The following UBR4 variants were observed in gnomAD, a reference collection of about 807,000 sequenced individuals.
UBR4 encodes the protein ubiquitin protein ligase E3 component n-recognin 4.
In UBR4, 124 loss-of-function variants were observed where a neutral mutation model predicts 575.6. That is an observed-to-expected ratio of 0.22 (90% CI 0.19 to 0.25). The LOEUF (loss-of-function observed/expected upper bound fraction) is 0.25, where lower values mean the gene tolerates loss of function less well. Among genes scored for constraint, UBR4 ranks in the 10% least tolerant of loss-of-function variants. The pLI is 1.00. For synonymous variants in UBR4, 2,455 were observed against 2,473.7 expected, an observed-to-expected ratio of 0.99 and a Z score of 0.22; for missense variants, 4,818 against 6,478.8, an observed-to-expected ratio of 0.74 and a Z score of 8.80.
Position 19,157,328 on chromosome 1 carries a change from A to C in UBR4, c.5761-403T>G, listed in dbSNP as rs1400281269. Among the ~76,000 whole-genome samples, 1 of 152,254 alleles carries C rather than the reference A, an allele frequency of 6.6e-6. No homozygotes were observed. The highest frequency in any genetic ancestry group is 1.5e-5 in the Non-Finnish European group (1 of 68,046). On this transcript the variant is annotated intron_variant, in intron 40 of 105. Transcript: ENST00000375254. This position sits in a 1 kb window ranked among gnomAD's most constrained non-coding sequence, Gnocchi z 4.4. The stretch of plus-strand genomic sequence containing the variant: ...TGATGGAGAGGCCAGAATACAGAAA[A>C]GTGTGAGTTAAGATACCTAGCACTC...
intron 39 of UBR4, among the ~76,000 whole-genome samples, chr1:19,158,281 A>T (rs890655357): frequency 6.6e-6 from 1 of 152,232 alleles, no homozygotes; most frequent in South Asian, 2.1e-4. Context: ...GTGACAGATG[A>T]CATTTGTTTT....
chr1:19,075,118 T>C (rs2075795607), intron 105 of UBR4: 3 of 583,744 alleles, frequency 5.1e-6, no homozygotes, highest in Non-Finnish European at 9.2e-6. Flanking sequence ...GAAGGTGTTT[T>C]TGTTCTCACA....
At chr1:19,193,324 G>A in intron 9 of UBR4, 109 bp downstream of exon 9, 1 of 1,451,802 alleles carries the variant, frequency 6.9e-7, no homozygotes, top group Non-Finnish European at 9.3e-7. Flanking sequence ...AGGGAAAGTA[G>A]TGTGGAGAAT....
intron 52 of UBR4, 22 bp from the exon 53 acceptor site, chr1:19,145,955 A>G (rs761025425): frequency 1.2e-6 from 2 of 1,612,776 alleles, no homozygotes; most frequent in Non-Finnish European, 1.7e-6. Context: ...AAAGAAAATT[A>G]TCAACGATGG....
At position 19,173,590 on chromosome 1, in the gene UBR4, A is replaced by T. The variant is rs2089876643; in HGVS notation, c.3014T>A (p.Ile1005Lys). 6.2e-7 allele frequency: 1 copy of T among 1,614,062 alleles called. No individual in the cohort carries two copies. The highest frequency in any genetic ancestry group is 8.5e-7 in the Non-Finnish European group (1 of 1,180,032). Residue 1005 changes from isoleucine to lysine, a missense_variant, in exon 23 of 106, where the codon ATA becomes AAA. Ile to Lys is a moderately radical substitution (Grantham distance 102, BLOSUM62 -3). This residue lies in a region of UBR4 where 1,172 missense variants were observed against 1,259.7 expected (regional missense o/e 0.93). Transcript: ENST00000375254. ...TAAAATTCCTAGGATCCTCCACAGT[A>T]TCAAGAAGTAATATTGAAGGGCACA... Reference protein sequence around the residue: ...EACALQYYFLILWRILGILPP... With the variant: ...EACALQYYFLKLWRILGILPP...
Position 19,104,814 on chromosome 1 carries a change from A to G in UBR4, c.12646-148T>C, listed in dbSNP as rs191653142. ...TTGCAGAACTCCTTTCCAGGAAGCC[A>G]ACAGTCACAGCGCTGGTAAGGGATT... On this transcript the variant is annotated intron_variant, in intron 85 of 105. Transcript: ENST00000375254. 90 of 1,110,422 alleles carry G rather than the reference A, an allele frequency of 8.1e-5. No homozygotes were observed. The East Asian group carries it at 2.2e-3, about 27-fold the overall frequency. The allele number at this position is 1,110,422 out of a possible 1,614,324, so 68.8% of individuals were successfully genotyped here.
chr1:19,154,514 C>T (rs2086179988), intron 44 of UBR4, among the ~76,000 whole-genome samples: 1 of 152,162 alleles, frequency 6.6e-6, no homozygotes, highest in Admixed American at 6.5e-5. Flanking sequence ...AACCATGCCC[C>T]CATTACTGAT....
chr1:19,146,264 A>T, intron 52 of UBR4: 1 of 461,500 alleles, frequency 2.2e-6, no homozygotes, highest in South Asian at 2.3e-5. Context: ...CTCTAGAACA[A>T]TTCTGGGATT....
chr1:19,125,471 T>G (rs1017275650), intron 64 of UBR4: 2 of 152,138 alleles, frequency 1.3e-5, no homozygotes, highest in Non-Finnish European at 2.9e-5. Flanking sequence ...AGGGAAGTTT[T>G]CCCAAGGATC....
At chr1:19,101,310 G>T (rs193282724) in intron 88 of UBR4, among the ~76,000 whole-genome samples, 5 of 152,274 alleles carry the variant, frequency 3.3e-5, no homozygotes, top group Non-Finnish European at 2.9e-5. Flanking sequence ...TAGGAAATAA[G>T]ACCAAGGAAG....
At chr1:19,187,340 C>T in intron 12 of UBR4, 39 bp from the exon 13 acceptor site, 1 of 1,609,158 alleles carries the variant, frequency 6.2e-7, no homozygotes, top group South Asian at 1.1e-5. Context: ...AATGATACTA[C>T]TCAGCCAGAA....
In UBR4 at chr1:19,077,984, T is replaced by C. The variant is rs1362080383; in HGVS notation, c.15316A>G (p.Met5106Val). Residue 5106 changes from methionine (M) to valine (V), a missense_variant, in exon 104 of 106, where the codon ATG becomes GTG. By Grantham distance (21) the Met-to-Val change is conservative. Around this residue, in one of 29 missense-constraint regions of UBR4, gnomAD observed 212 missense variants for 221.3 expected, o/e 0.96. Coordinates refer to ENST00000375254, the MANE Select transcript of UBR4 (RefSeq NM_020765.3). ...FWALVDLIYN[M>V]FKKVPTSNTE... Reference sequence around the variant, plus strand: ...TCTGACAGCCTCCTTACCTTAAACATGTTGTAAATGAGATCGACGAGGGCC... The same window carrying C: ...TCTGACAGCCTCCTTACCTTAAACACGTTGTAAATGAGATCGACGAGGGCC... 4 of 1,613,890 alleles carry C rather than the reference T, an allele frequency of 2.5e-6. No homozygotes were observed. Among genetic ancestry groups the C allele is most frequent in the South Asian group, 2.2e-5 (2 of 91,074 alleles).
At chr1:19,123,175 G>A in intron 65 of UBR4, 115 bp from the exon 66 acceptor site, 1 of 1,127,156 alleles carries the variant, frequency 8.9e-7, no homozygotes, top group Non-Finnish European at 1.3e-6. Context: ...GGACAGGCCG[G>A]GCACGGTGGC....
chr1:19,146,519 G>A (rs1451580964), intron 52 of UBR4, among the ~76,000 whole-genome samples: 3 of 152,120 alleles, frequency 2.0e-5, no homozygotes, highest in Admixed American at 6.5e-5. Context: ...AAGCAACCAG[G>A]GCCCAACCAA....
intron 11 of UBR4, among the ~76,000 whole-genome samples, chr1:19,188,070 A>AT (rs397979432): frequency 3.3e-5 from 5 of 150,924 alleles, no homozygotes; most frequent in African/African-American, 4.9e-5. Flanking sequence ...AAATAAATAA[A>AT]ACCTCCTGGA....
Position 19,140,894 on chromosome 1 carries a change from T to A in UBR4, c.8489-2A>T. The A allele has an allele frequency of 6.2e-7, 1 of 1,604,768 alleles. No homozygotes were observed. Among genetic ancestry groups the A allele is most frequent in the Non-Finnish European group, 8.5e-7 (1 of 1,177,026 alleles). ...GGCCCAGGGCACTGCTGCTGCTGCCTGGGAAACAAGTGGAGAGTGAGCACA... is the reference window on the plus strand; with the variant it reads ...GGCCCAGGGCACTGCTGCTGCTGCCAGGGAAACAAGTGGAGAGTGAGCACA... On this transcript the variant is annotated splice_acceptor_variant, in intron 57 of 105. Coordinates refer to ENST00000375254, the MANE Select transcript of UBR4 (RefSeq NM_020765.3). LOFTEE classifies it high-confidence loss of function.
Position 19,117,840 on chromosome 1 carries a change from G to A in UBR4, c.10612C>T (p.Pro3538Ser), listed in dbSNP as rs2080721390. Reference protein sequence around the residue: ...ESDPCLVCNNPEVPFCYIKLS... With the variant: ...ESDPCLVCNNSEVPFCYIKLS... ...TTACTTACACAGAACGGTACTTCCG[G>A]GTTATTACACACCAGGCAGGGATCG... The change falls in exon 72 of 106, where the codon CCG becomes TCG. Residue 3538 changes from proline to serine, a missense_variant. By Grantham distance (74) the Pro-to-Ser change is moderately conservative. Coordinates refer to ENST00000375254, the MANE Select transcript of UBR4 (RefSeq NM_020765.3). This position sits in a 1 kb window ranked among gnomAD's most constrained non-coding sequence, Gnocchi z 4.0. The A allele has an allele frequency of 6.2e-7, 1 of 1,614,120 alleles. No homozygotes were observed. Among genetic ancestry groups the A allele is most frequent in the Non-Finnish European group, 8.5e-7 (1 of 1,179,996 alleles).
In UBR4 at chr1:19,126,489, G is replaced by A; in HGVS notation, c.9395C>T (p.Ser3132Phe). 1 of 1,614,222 alleles carries A rather than the reference G, an allele frequency of 6.2e-7. No individual in the cohort carries two copies. Among genetic ancestry groups the A allele is most frequent in the South Asian group, 1.1e-5 (1 of 91,090 alleles). ...SQLLKPHTTS[S>F]PPDMSPFFLR... ...AAAGAATGGGCTCATGTCAGGTGGG[G>A]AGGAGGTAGTATGTGGTTTCAGCAA... Residue 3132 changes from serine to phenylalanine, a missense_variant, in exon 64 of 106, where the codon TCC (serine) becomes TTC (phenylalanine). This residue lies in a region of UBR4 where 550 missense variants were observed against 791.5 expected (regional missense o/e 0.69). Transcript: ENST00000375254.
chr1:19,121,333 G>A lies in UBR4; in HGVS notation c.9997C>T (p.Leu3333Phe), dbSNP rs1342965307. 1 of 1,614,226 alleles carries A rather than the reference G, an allele frequency of 6.2e-7. No individual in the cohort carries two copies. The highest frequency in any genetic ancestry group is 2.2e-5 in the East Asian group (1 of 44,888). The change falls in exon 68 of 106, where the codon CTC (leucine) becomes TTC (phenylalanine). Residue 3333 changes from leucine (L) to phenylalanine (F), a missense_variant. Transcript: ENST00000375254. ...LSCALCGSKV[L>F]AALAASSGSS... Reference sequence around the variant, plus strand: ...CCCGAAGAGGCTGCCAGTGCAGCGAGCACCTTGCTGCCGCACAGAGCACAG... The same window carrying A: ...CCCGAAGAGGCTGCCAGTGCAGCGAACACCTTGCTGCCGCACAGAGCACAG...
Sources: gnomAD v4.1 joint callset for allele counts (sites outside exome capture counted in the v4.1 genomes callset) on GRCh38, gnomAD v4.1.1 for gene constraint, gnomAD v4.1.1 regional missense constraint, Gnocchi (gnomAD v3.1) non-coding constraint, MANE v1.5 for transcripts, NCBI Gene and HGNC (gene_info 2026-07-23, HGNC 2026-07-21) for gene names.